Variants in PDE7B observed in about 807,000 individuals in gnomAD.
PDE7B encodes phosphodiesterase 7B, also known as 3',5'-cyclic-AMP phosphodiesterase 7B.
Under a neutral mutation model 56.2 loss-of-function variants are expected in PDE7B, and 29 were observed. The observed-to-expected ratio is 0.52, with a 90% CI of 0.38 to 0.70. PDE7B has a LOEUF of 0.70. Among genes scored for constraint, PDE7B ranks in the 30% least tolerant of loss-of-function variants. The pLI, the probability that PDE7B is intolerant of heterozygous loss-of-function variation, is 0.00. For missense variants in PDE7B, 490 were observed against 565.0 expected, an observed-to-expected ratio of 0.87 and a Z score of 1.35; for synonymous variants, 197 against 196.9, an observed-to-expected ratio of 1.00 and a Z score of 0.00.
At chr6:135,933,140 C>T (rs952922537) in intron 1 of PDE7B, among the ~76,000 whole-genome samples, 3 of 152,210 alleles carry the variant, frequency 2.0e-5, no homozygotes, top group East Asian at 3.8e-4. Context: ...TTCAAACTCA[C>T]TGTTACTAGA....
rs368316397 is a variant in PDE7B at position 136,006,099 on chromosome 6, A to T, written c.82+58575A>T. 3.3e-5 allele frequency among the ~76,000 whole-genome samples: 5 copies of T among 150,454 alleles called. No homozygotes were observed. The East Asian group carries it at 7.9e-4, about 24-fold the overall frequency. On this transcript the variant is annotated intron_variant, in intron 2 of 12. Transcript: ENST00000308191. The stretch of plus-strand genomic sequence containing the variant: ...AAATCATCATTCTCAGTAAACTATC[A>T]CAAGGACAAAAAACCAAACACTGCA...
intron 11 of PDE7B, among the ~76,000 whole-genome samples, chr6:136,184,061 G>A (rs957966725): frequency 1.3e-5 from 2 of 152,060 alleles, no homozygotes; most frequent in Non-Finnish European, 2.9e-5. Context: ...ACATTTTATT[G>A]AACATCTGCT....
intron 9 of PDE7B, among the ~76,000 whole-genome samples, chr6:136,177,279 A>G (rs9321553): frequency 0.088 from 13,452 of 152,148 alleles, 1,822 homozygotes; most frequent in African/African-American, 0.29. Flanking sequence ...CCTGGTCAAC[A>G]TAGTGAAACC....
chr6:135,915,630 C>A (rs1773906539), intron 1 of PDE7B, among the ~76,000 whole-genome samples: 1 of 152,114 alleles, frequency 6.6e-6, no homozygotes, highest in Admixed American at 6.5e-5. Flanking sequence ...AGTGCGCACC[C>A]CTTATGTAAC....
At chr6:136,188,494 G>A (rs1398552471) in intron 12 of PDE7B, among the ~76,000 whole-genome samples, 2 of 152,150 alleles carry the variant, frequency 1.3e-5, no homozygotes, top group Non-Finnish European at 2.9e-5. Flanking sequence ...TGGAGGTTCT[G>A]CAGACGTGAT....
intron 1 of PDE7B, among the ~76,000 whole-genome samples, chr6:135,894,777 A>G (rs1583747133): frequency 6.6e-6 from 1 of 152,196 alleles, no homozygotes; most frequent in East Asian, 1.9e-4. Context: ...ACATCTGGAC[A>G]CATCAGTACG....
intron 2 of PDE7B, chr6:136,095,840 T>C (rs1777462717): frequency 6.6e-6 from 1 of 152,230 alleles, no homozygotes; most frequent in Non-Finnish European, 1.5e-5. Flanking sequence ...GACGATCACA[T>C]GAGTTAATTC....
chr6:136,071,041 G>A (rs114222532), intron 2 of PDE7B, among the ~76,000 whole-genome samples: 1 of 152,032 alleles, frequency 6.6e-6, no homozygotes, highest in Admixed American at 6.6e-5. Context: ...CCAAACCCAC[G>A]CCTGGACCAA....
At chr6:135,902,484 T>G (rs1776021755) in intron 1 of PDE7B, among the ~76,000 whole-genome samples, 1 of 151,574 alleles carries the variant, frequency 6.6e-6, no homozygotes, top group Non-Finnish European at 1.5e-5. Context: ...AATAAAAGAG[T>G]CCATAGTTAT....
intron 3 of PDE7B, among the ~76,000 whole-genome samples, chr6:136,139,392 C>G (rs992693945): frequency 3.3e-5 from 5 of 152,060 alleles, no homozygotes; most frequent in African/African-American, 1.2e-4. Context: ...GGGTTGGTTC[C>G]AAGTCTTTGC....
At chr6:136,015,314 C>T (rs375307804) in intron 2 of PDE7B, among the ~76,000 whole-genome samples, 2 of 152,170 alleles carry the variant, frequency 1.3e-5, no homozygotes, top group Admixed American at 1.3e-4. Flanking sequence ...CAATTGTCAG[C>T]GGATATAACC....
At chr6:135,942,695 C>T (rs1774526273) in intron 1 of PDE7B, among the ~76,000 whole-genome samples, 1 of 152,150 alleles carries the variant, frequency 6.6e-6, no homozygotes, top group East Asian at 1.9e-4. Flanking sequence ...CTACCCTCTG[C>T]TTCTACAAAT....
intron 7 of PDE7B, 61 bp downstream of exon 7, chr6:136,154,236 G>C: frequency 3.1e-6 from 3 of 975,402 alleles, no homozygotes; most frequent in Non-Finnish European, 4.9e-6. Flanking sequence ...CTACCTGCTA[G>C]GCCCAAGTTA....
At chr6:136,002,593 A>C (rs1775692948) in intron 2 of PDE7B, among the ~76,000 whole-genome samples, 1 of 152,206 alleles carries the variant, frequency 6.6e-6, no homozygotes, top group South Asian at 2.1e-4. Context: ...AAAGATCAAA[A>C]GAGACAAAGA....
intron 2 of PDE7B, among the ~76,000 whole-genome samples, chr6:135,988,011 G>C (rs899307700): frequency 2.0e-5 from 3 of 152,190 alleles, no homozygotes; most frequent in African/African-American, 7.2e-5. Flanking sequence ...CCCCAAGGGA[G>C]ACTATGCCCT....
chr6:135,946,505 T>C (rs940989835), intron 1 of PDE7B, among the ~76,000 whole-genome samples: 7 of 152,142 alleles, frequency 4.6e-5, no homozygotes, highest in African/African-American at 1.7e-4. Context: ...AATTGTATCA[T>C]TTTATATTCC....
Position 135,853,725 on chromosome 6 carries a change from A to T in PDE7B, c.21+1706A>T, listed in dbSNP as rs17065017. Among the ~76,000 whole-genome samples the T allele has an allele frequency of 3.3e-3, 494 of 149,432 alleles. 5 individuals carry two copies. The highest frequency in any genetic ancestry group is 0.012 in the African/African-American group (471 of 40,954). ...ATATGTCAGCAAATTAGCTGGGAGA[A>T]TTTTTTTTTTTAATTAAGTTATTTA... On this transcript the variant is annotated intron_variant, in intron 1 of 12. Coordinates refer to ENST00000308191, the MANE Select transcript of PDE7B (RefSeq NM_018945.4).
chr6:135,920,715 C>T (rs1774059093), intron 1 of PDE7B, among the ~76,000 whole-genome samples: 1 of 152,146 alleles, frequency 6.6e-6, no homozygotes, highest in African/African-American at 2.4e-5. Flanking sequence ...ATCAACTTAG[C>T]CTGAGTCTGT....
chr6:136,128,231 A>G (rs1341534690), intron 3 of PDE7B, among the ~76,000 whole-genome samples: 16 of 152,228 alleles, frequency 1.1e-4, no homozygotes, highest in Non-Finnish European at 1.3e-4. Flanking sequence ...TCAATTTACC[A>G]GAGTGATGCT....
Sources: allele counts gnomAD v4.1 joint callset (sites outside exome capture counted in the v4.1 genomes callset), GRCh38; gene constraint gnomAD v4.1.1; transcripts MANE v1.5; gene names NCBI Gene and HGNC (gene_info 2026-07-23, HGNC 2026-07-21).